GULP1: variants seen among roughly 807,000 people sequenced by gnomAD.
GULP1 encodes PTB domain-containing engulfment adapter protein 1.
Under a neutral mutation model 40.9 loss-of-function variants are expected in GULP1, and 19 were observed. That is an observed-to-expected ratio of 0.46 (90% CI 0.32 to 0.68). The LOEUF (loss-of-function observed/expected upper bound fraction) is 0.68. Among genes scored for constraint, GULP1 ranks in the 30% least tolerant of loss-of-function variants. The pLI is 0.03. For synonymous variants in GULP1, 119 were observed against 117.6 expected, an observed-to-expected ratio of 1.01 and a Z score of -0.08; for missense variants, 312 against 362.2, an observed-to-expected ratio of 0.86 and a Z score of 1.12.
intron 2 of GULP1, among the ~76,000 whole-genome samples, chr2:188,418,728 A>G (rs1014728104): frequency 6.6e-6 from 1 of 152,102 alleles, no homozygotes; most frequent in African/African-American, 2.4e-5. Flanking sequence ...AAATTGTAGT[A>G]AAAACACAAT....
At chr2:188,445,635 G>T (rs1303813991) in intron 2 of GULP1, among the ~76,000 whole-genome samples, 1 of 152,162 alleles carries the variant, frequency 6.6e-6, no homozygotes, top group African/African-American at 2.4e-5. Context: ...GTACTTCATA[G>T]ATTATAAGCA....
intron 7 of GULP1, among the ~76,000 whole-genome samples, chr2:188,556,956 G>A (rs979844529): frequency 2.0e-5 from 3 of 151,802 alleles, no homozygotes; most frequent in East Asian, 1.9e-4. Context: ...CCTGGGAGGC[G>A]GAGCTTGCAG....
intron 9 of GULP1, among the ~76,000 whole-genome samples, chr2:188,583,951 G>A (rs1701835358): frequency 6.6e-6 from 1 of 152,200 alleles, no homozygotes; most frequent in East Asian, 1.9e-4. Flanking sequence ...ACAAGTAGCA[G>A]TCATTTCTAT....
At chr2:188,361,132 G>T (rs1432160217) in intron 1 of GULP1, among the ~76,000 whole-genome samples, 1 of 152,076 alleles carries the variant, frequency 6.6e-6, no homozygotes, top group Admixed American at 6.6e-5. Flanking sequence ...AATACGTTCT[G>T]CTTTGTAAAA....
chr2:188,527,310 G>A (rs1056896650), intron 5 of GULP1, among the ~76,000 whole-genome samples: 1 of 152,104 alleles, frequency 6.6e-6, no homozygotes, highest in Non-Finnish European at 1.5e-5. Context: ...GTCTGTTCCT[G>A]GAAAACAGCA....
At chr2:188,591,841 C>A (rs1161594720) in intron 11 of GULP1, 1 of 151,680 alleles carries the variant, frequency 6.6e-6, no homozygotes, top group Non-Finnish European at 1.5e-5. Context: ...TCATCAAAAT[C>A]TTTCGTATAA....
chr2:188,384,602 G>C (rs1265267385), intron 2 of GULP1, among the ~76,000 whole-genome samples: 2 of 152,142 alleles, frequency 1.3e-5, no homozygotes, highest in African/African-American at 2.4e-5. Flanking sequence ...ACTCATTTCA[G>C]CGTCAACTCA....
At chr2:188,381,765 T>C (rs1277448484) in intron 1 of GULP1, among the ~76,000 whole-genome samples, 1 of 152,172 alleles carries the variant, frequency 6.6e-6, no homozygotes, top group East Asian at 1.9e-4. Flanking sequence ...AATTATGACA[T>C]GGTTTTATAG....
rs61586502 is a variant in GULP1 at position 188,388,366 on chromosome 2, C to CAAAA, written c.-45+4491_-45+4494dup. Among the ~76,000 whole-genome samples the CAAAA allele has an allele frequency of 8.4e-4, 106 of 126,476 alleles. No individual in the cohort carries two copies. The East Asian group carries it at 0.023, about 27-fold the overall frequency. The allele number at this position is 126,476 out of a possible 152,430, so 83.0% of individuals were successfully genotyped here. A position where few individuals can be genotyped will look rare whatever the true frequency, so the allele number is the denominator to read the frequency against. ...AAACATAGTGAGAGCCCATCTCTAC[C>CAAAA]AAAAAAAAAAAAAAAAAGTAGAAAA... On this transcript the variant is annotated intron_variant, in intron 2 of 11. Coordinates refer to ENST00000409830, the MANE Select transcript of GULP1 (RefSeq NM_016315.4).
chr2:188,450,653 T>G (rs531596767), intron 2 of GULP1, among the ~76,000 whole-genome samples: 5 of 152,288 alleles, frequency 3.3e-5, no homozygotes, highest in African/African-American at 1.2e-4. Context: ...TGACTCTCTT[T>G]CATTTAGAAT....
chr2:188,487,152 T>C (rs768001966), intron 4 of GULP1, among the ~76,000 whole-genome samples: 12 of 152,062 alleles, frequency 7.9e-5, no homozygotes, highest in Non-Finnish European at 1.6e-4. Flanking sequence ...GCTGGCAGAC[T>C]TGTATTTTAA....
chr2:188,319,826 A>C (rs1391398093), intron 1 of GULP1, among the ~76,000 whole-genome samples: 1 of 151,700 alleles, frequency 6.6e-6, no homozygotes, highest in African/African-American at 2.4e-5. Context: ...TTTTTGTCCT[A>C]TTCTTTCTTT....
At chr2:188,467,043 G>A (rs1396645890) in intron 2 of GULP1, among the ~76,000 whole-genome samples, 3 of 151,940 alleles carry the variant, frequency 2.0e-5, no homozygotes, top group Middle Eastern at 3.4e-3. Flanking sequence ...CCATCAATTA[G>A]ACTGGTCAGG....
At chr2:188,419,085 A>T (rs1237533511) in intron 2 of GULP1, among the ~76,000 whole-genome samples, 1 of 152,158 alleles carries the variant, frequency 6.6e-6, no homozygotes, top group Non-Finnish European at 1.5e-5. Flanking sequence ...TTAAACGTAT[A>T]TGCCACATTT....
chr2:188,375,671 ATGT>A (rs1248683636), intron 1 of GULP1, among the ~76,000 whole-genome samples: 1 of 152,188 alleles, frequency 6.6e-6, no homozygotes, highest in South Asian at 2.1e-4. Flanking sequence ...TTTAGAATAG[ATGT>A]TGTATAAATA....
intron 1 of GULP1, among the ~76,000 whole-genome samples, chr2:188,338,279 ATT>A (rs202235413): frequency 1.2e-3 from 165 of 138,424 alleles, no homozygotes; most frequent in Middle Eastern, 3.8e-3. Flanking sequence ...GGGGAAAACA[ATT>A]TTTTTTTTTT....
intron 9 of GULP1, among the ~76,000 whole-genome samples, chr2:188,581,682 T>C (rs1701355880): frequency 6.6e-6 from 1 of 152,146 alleles, no homozygotes; most frequent in South Asian, 2.1e-4. Flanking sequence ...CCTCTTCCCA[T>C]CACCCAAAAA....
chr2:188,386,007 A>G (rs2049685927), intron 2 of GULP1, among the ~76,000 whole-genome samples: 1 of 152,154 alleles, frequency 6.6e-6, no homozygotes, highest in Non-Finnish European at 1.5e-5. Flanking sequence ...CCAGTTCCTA[A>G]GTTGCTTCTA....
chr2:188,358,394 A>G (rs186305141), intron 1 of GULP1, among the ~76,000 whole-genome samples: 19 of 152,234 alleles, frequency 1.2e-4, no homozygotes, highest in African/African-American at 4.3e-4. Context: ...TAACAGTTAG[A>G]TAGAAGGAAA....
Sources: allele counts gnomAD v4.1 joint callset (sites outside exome capture counted in the v4.1 genomes callset), GRCh38; gene constraint gnomAD v4.1.1; transcripts MANE v1.5; gene names NCBI Gene and HGNC (gene_info 2026-07-23, HGNC 2026-07-21).